Variants in ATG7 observed in about 807,000 individuals in gnomAD.
The protein encoded by ATG7 is autophagy related 7, also known as ubiquitin-like modifier-activating enzyme ATG7.
In ATG7, 70 loss-of-function variants were observed where a neutral mutation model predicts 82.4. The observed-to-expected ratio is 0.85, with a 90% CI of 0.70 to 1.04. The LOEUF (loss-of-function observed/expected upper bound fraction) is 1.04, where lower values mean the gene tolerates loss of function less well. Among genes scored for constraint, ATG7 ranks in the 50% least tolerant of loss-of-function variants. ATG7 has a pLI of 0.00. For synonymous variants in ATG7, 287 were observed against 313.0 expected (o/e 0.92, Z 0.88); for missense variants, 792 against 864.3 (o/e 0.92, Z 1.05).
At chr3:11,412,010 G>T (rs199899189) in intron 19 of ATG7, among the ~76,000 whole-genome samples, 9 of 149,894 alleles carry the variant, frequency 6.0e-5, no homozygotes, top group Non-Finnish European at 1.3e-4. Flanking sequence ...AGGGTATTCT[G>T]TCTAGGTCCT....
intron 20 of ATG7, among the ~76,000 whole-genome samples, chr3:11,514,525 C>T (rs1194029157): frequency 6.6e-6 from 1 of 152,202 alleles, no homozygotes; most frequent in Non-Finnish European, 1.5e-5. Flanking sequence ...TTTTTACCCA[C>T]CCTCAGCCAC....
chr3:11,347,807 G>T, intron 13 of ATG7, 70 bp from the exon 14 acceptor site: 1 of 1,477,304 alleles, frequency 6.8e-7, no homozygotes, highest in Admixed American at 2.3e-5. Flanking sequence ...TATTCTTTTT[G>T]AGATTTCAAG....
chr3:11,428,720 T>A (rs1384417917), intron 20 of ATG7, among the ~76,000 whole-genome samples: 7 of 152,206 alleles, frequency 4.6e-5, no homozygotes, highest in Non-Finnish European at 1.0e-4. Flanking sequence ...ATGGAAGAGG[T>A]AACATAGATG....
chr3:11,417,137 A>G (rs2081437777), intron 19 of ATG7, among the ~76,000 whole-genome samples: 1 of 152,218 alleles, frequency 6.6e-6, no homozygotes, highest in Non-Finnish European at 1.5e-5. Context: ...TGTGAGAAGA[A>G]TGTGTATTCT....
intron 20 of ATG7, among the ~76,000 whole-genome samples, chr3:11,471,306 ACAC>A (rs1221098630): frequency 2.0e-5 from 3 of 151,984 alleles, no homozygotes; most frequent in Non-Finnish European, 4.4e-5. Context: ...TGCCTGGCAA[ACAC>A]CTACTTGGTC....
At chr3:11,564,108 C>T in the ATG7 span, among the ~76,000 whole-genome samples, 2 of 152,194 alleles carry the variant, frequency 1.3e-5, no homozygotes, top group East Asian at 1.9e-4. Context: ...CCTGGAGATT[C>T]GGAGAGCTCA....
intron 14 of ATG7, among the ~76,000 whole-genome samples, chr3:11,351,987 G>A (rs1300365022): frequency 6.6e-6 from 1 of 150,498 alleles, no homozygotes; most frequent in African/African-American, 2.5e-5. Flanking sequence ...ATATCCTAAT[G>A]CTATCCCTCC....
chr3:11,532,046 T>TTCC (rs1036307313), intron 20 of ATG7, among the ~76,000 whole-genome samples: 33 of 152,034 alleles, frequency 2.2e-4, no homozygotes, highest in African/African-American at 5.3e-4. Flanking sequence ...TTGGATTTTA[T>TTCC]TCCTCCTCCT....
the ATG7 span, among the ~76,000 whole-genome samples, chr3:11,565,353 G>T: frequency 6.6e-6 from 1 of 152,176 alleles, no homozygotes; most frequent in Non-Finnish European, 1.5e-5. The surrounding 1 kb of genome is among the most constrained non-coding windows in gnomAD (Gnocchi z 4.1). Flanking sequence ...AAGCTGGTTC[G>T]ATAAGGACCT....
intron 20 of ATG7, among the ~76,000 whole-genome samples, chr3:11,460,718 G>C (rs1279176431): frequency 1.3e-5 from 2 of 152,150 alleles, no homozygotes; most frequent in African/African-American, 4.8e-5. Flanking sequence ...TCCCAGTCAA[G>C]GACATATAAA....
intron 9 of ATG7, among the ~76,000 whole-genome samples, chr3:11,330,076 T>G (rs559923681): frequency 2.0e-5 from 3 of 152,242 alleles, no homozygotes; most frequent in Non-Finnish European, 4.4e-5. Flanking sequence ...GGGTTATGGG[T>G]TTTTGGAAAA....
intron 1 of ATG7, among the ~76,000 whole-genome samples, chr3:11,280,089 C>T (rs1057176999): frequency 6.6e-6 from 1 of 151,858 alleles, no homozygotes; most frequent in Non-Finnish European, 1.5e-5. Context: ...CTGTGTCACC[C>T]AGGCTGGAGT....
chr3:11,568,833 CTGAG>C, the ATG7 span: 1 of 1,409,488 alleles, frequency 7.1e-7, no homozygotes, highest in East Asian at 2.7e-5. This position sits in a 1 kb window ranked among gnomAD's most constrained non-coding sequence, Gnocchi z 5.9. Flanking sequence ...CCAAAGGACT[CTGAG>C]TGGCTCCGTG....
At chr3:11,409,229 G>T (rs2080657698) in intron 19 of ATG7, among the ~76,000 whole-genome samples, 1 of 152,226 alleles carries the variant, frequency 6.6e-6, no homozygotes. Context: ...TTACCATGGT[G>T]TGAGAGTAAT....
intron 5 of ATG7, among the ~76,000 whole-genome samples, chr3:11,305,153 T>C (rs1029840056): frequency 6.6e-6 from 1 of 152,222 alleles, no homozygotes; most frequent in Non-Finnish European, 1.5e-5. Flanking sequence ...AATTCTCTTG[T>C]CTCCAAGTCT....
intron 20 of ATG7, among the ~76,000 whole-genome samples, chr3:11,512,584 A>G (rs1371424400): frequency 6.6e-6 from 1 of 152,212 alleles, no homozygotes. Context: ...AACAGTTCTT[A>G]AAGCGGCACG....
At chr3:11,283,645 C>G (rs1249514979) in intron 3 of ATG7, among the ~76,000 whole-genome samples, 1 of 152,034 alleles carries the variant, frequency 6.6e-6, no homozygotes, top group Non-Finnish European at 1.5e-5. Context: ...ATTAAAAACT[C>G]TCCTGCTTGT....
chr3:11,308,901 C>T (rs1559366477), intron 6 of ATG7, 83 bp from the exon 7 acceptor site: 1 of 1,297,696 alleles, frequency 7.7e-7, no homozygotes, highest in East Asian at 2.3e-5. Context: ...GAGCCTGGTG[C>T]TTTTCAGCTC....
the ATG7 span, among the ~76,000 whole-genome samples, chr3:11,572,421 G>A: frequency 2.0e-5 from 3 of 152,186 alleles, no homozygotes; most frequent in African/African-American, 7.2e-5. Flanking sequence ...CTCAGAACTA[G>A]CAAATGAAAA....
Sources: allele counts gnomAD v4.1 joint callset (sites outside exome capture counted in the v4.1 genomes callset), GRCh38; gene constraint gnomAD v4.1.1; non-coding constraint Gnocchi (gnomAD v3.1); transcripts MANE v1.5; gene names NCBI Gene and HGNC (gene_info 2026-07-23, HGNC 2026-07-21).